GABRA4: variants seen among roughly 807,000 people sequenced by gnomAD.
The protein encoded by GABRA4 is gamma-aminobutyric acid receptor subunit alpha-4.
A neutral mutation model predicts 49.7 loss-of-function variants in GABRA4; 12 were observed. The observed-to-expected ratio is 0.24, with a 90% CI of 0.15 to 0.39. The LOEUF (loss-of-function observed/expected upper bound fraction) is 0.39, where lower values mean the gene tolerates loss of function less well. GABRA4 is among the 10% of genes least tolerant of loss of function. The probability of loss-of-function intolerance (pLI) is 1.00; values close to 1 mark genes in which losing one functional copy is unlikely to be tolerated. For synonymous variants in GABRA4, 288 were observed against 240.2 expected (o/e 1.20, Z -1.84); for missense variants, 506 against 686.0 (o/e 0.74, Z 2.93).
chr4:46,921,441 T>G lies in GABRA4; in HGVS notation c.*6784A>C, dbSNP rs907141797. On this transcript the variant is annotated 3_prime_UTR_variant, in exon 9 of 9. Transcript: ENST00000264318. The stretch of plus-strand genomic sequence containing the variant: ...AACTCTGGGATTCCCCTATAGAAAC[T>G]AAAGAAGCTTGCAGAAATACTACCA... 1 of 151,984 alleles carries G rather than the reference T, an allele frequency of 6.6e-6. No individual in the cohort carries two copies. The highest frequency in any genetic ancestry group is 1.5e-5 in the Non-Finnish European group (1 of 67,928). 9.4% of individuals were successfully genotyped at this position (151,984 alleles called of 1,614,324 possible).
Position 46,919,504 on chromosome 4 carries a change from C to T in GABRA4, c.*8721G>A, listed in dbSNP as rs1010258752. 2.6e-5 allele frequency: 4 copies of T among 151,456 alleles called. No individual in the cohort carries two copies. The highest frequency in any genetic ancestry group is 2.0e-4 in the Admixed American group (3 of 15,168). The allele number at this position is 151,456 out of a possible 1,614,324, so 9.4% of individuals were successfully genotyped here. A position where few individuals can be genotyped will look rare whatever the true frequency, so the allele number is the denominator to read the frequency against. Reference sequence around the variant, plus strand: ...ACCTTGAACTGTTATAAATATCACACTTTATATTTACTATTCTAATTGAGC... The same window carrying T: ...ACCTTGAACTGTTATAAATATCACATTTTATATTTACTATTCTAATTGAGC... On this transcript the variant is annotated 3_prime_UTR_variant, in exon 9 of 9. Transcript: ENST00000264318.
intron 8 of GABRA4, among the ~76,000 whole-genome samples, chr4:46,945,577 G>A (rs1039295632): frequency 1.3e-5 from 2 of 152,090 alleles, no homozygotes; most frequent in Non-Finnish European, 2.9e-5. Context: ...TTTCTGTACA[G>A]CTGCAATGCT....
chr4:46,942,400 G>T (rs190638721), intron 8 of GABRA4, among the ~76,000 whole-genome samples: 1 of 151,830 alleles, frequency 6.6e-6, no homozygotes, highest in Non-Finnish European at 1.5e-5. Flanking sequence ...ACTATAATTA[G>T]CACTTAAAAA....
At chr4:46,978,526 A>G (rs1266452186) in intron 3 of GABRA4, among the ~76,000 whole-genome samples, 5 of 151,190 alleles carry the variant, frequency 3.3e-5, no homozygotes, top group African/African-American at 4.9e-5. Context: ...TATCTCTACT[A>G]GAAACACAAA....
At position 46,926,207 on chromosome 4, in the gene GABRA4, A is replaced by G. The variant is rs928710145; in HGVS notation, c.*2018T>C. ...TAGTAGCGAATGAATTGTGCTTCCA[A>G]CCATATTTCCAAACATCGTCCTCAA... On this transcript the variant is annotated 3_prime_UTR_variant, in exon 9 of 9. Transcript: ENST00000264318. 7 of 152,030 alleles carry G rather than the reference A, an allele frequency of 4.6e-5. No individual in the cohort carries two copies. Among genetic ancestry groups the G allele is most frequent in the Middle Eastern group, 3.4e-3 (1 of 294 alleles). 9.4% of individuals were successfully genotyped at this position (152,030 alleles called of 1,614,324 possible).
Position 46,936,884 on chromosome 4 carries a change from G to C in GABRA4, c.1135-8129C>G, listed in dbSNP as rs538537195. Among the ~76,000 whole-genome samples, 3 of 152,316 alleles carry C rather than the reference G, an allele frequency of 2.0e-5. No homozygotes were observed. In the South Asian group the frequency reaches 6.2e-4, roughly 32 times the overall value. On this transcript the variant is annotated intron_variant, in intron 8 of 8. Coordinates refer to ENST00000264318, the MANE Select transcript of GABRA4 (RefSeq NM_000809.4). Reference sequence around the variant, plus strand: ...ACTTTCTTCAACATATAAATTGCAAGTGGGAAATGGGGCAGTGTAGCCCAC... The same window carrying C: ...ACTTTCTTCAACATATAAATTGCAACTGGGAAATGGGGCAGTGTAGCCCAC...
In GABRA4 at chr4:46,965,060, C is replaced by T. The variant is rs1163871869; in HGVS notation, c.1044G>A (p.Met348Ile). ...TTGATGTCTTCCTTTTGGCTTTTTCCATTTGAATATTGGTGAAATAGTTGA... is the reference window on the plus strand; with the variant it reads ...TTGATGTCTTCCTTTTGGCTTTTTCTATTTGAATATTGGTGAAATAGTTGA... Reference protein sequence around the residue: ...AAVNYFTNIQMEKAKRKTSKP... With the variant: ...AAVNYFTNIQIEKAKRKTSKP... Residue 348 changes from methionine to isoleucine, a missense_variant, in exon 8 of 9, where the codon ATG becomes ATA. Met to Ile is a conservative substitution (Grantham distance 10). Around this residue, in one of 5 missense-constraint regions of GABRA4, gnomAD observed 243 missense variants for 210.8 expected, o/e 1.15. Coordinates refer to ENST00000264318, the MANE Select transcript of GABRA4 (RefSeq NM_000809.4). The T allele has an allele frequency of 1.2e-6, 2 of 1,611,948 alleles. No homozygotes were observed. Among genetic ancestry groups the T allele is most frequent in the Non-Finnish European group, 1.7e-6 (2 of 1,178,756 alleles).
intron 2 of GABRA4, among the ~76,000 whole-genome samples, chr4:46,990,600 A>G (rs1402251517): frequency 1.3e-5 from 2 of 152,188 alleles, no homozygotes; most frequent in African/African-American, 4.8e-5. Flanking sequence ...AGGACTGGAT[A>G]CTTTTCTTAT....
At chr4:46,978,696 A>C (rs1723236163) in intron 3 of GABRA4, among the ~76,000 whole-genome samples, 2 of 149,310 alleles carry the variant, frequency 1.3e-5, no homozygotes, top group African/African-American at 4.9e-5. Context: ...TCAAAAAAAA[A>C]AAAAAAAAAA....
At chr4:46,962,528 C>A (rs968080263) in intron 8 of GABRA4, among the ~76,000 whole-genome samples, 2 of 151,814 alleles carry the variant, frequency 1.3e-5, no homozygotes, top group Non-Finnish European at 2.9e-5. Flanking sequence ...AATTTCCATA[C>A]CACCAAAAGC....
chr4:46,961,672 G>T (rs1044301347), intron 8 of GABRA4, among the ~76,000 whole-genome samples: 42 of 151,892 alleles, frequency 2.8e-4, no homozygotes, highest in Non-Finnish European at 5.9e-4. Flanking sequence ...TATACGTGTT[G>T]ATTTGGGTAT....
chr4:46,958,220 G>T (rs1190925160), intron 8 of GABRA4, among the ~76,000 whole-genome samples: 1 of 151,774 alleles, frequency 6.6e-6, no homozygotes, highest in Non-Finnish European at 1.5e-5. Flanking sequence ...CCTAACAACT[G>T]CAAACCTCAG....
intron 2 of GABRA4, among the ~76,000 whole-genome samples, chr4:46,987,456 T>C (rs1487807739): frequency 6.6e-6 from 1 of 152,150 alleles, no homozygotes; most frequent in African/African-American, 2.4e-5. Flanking sequence ...CTTATTTCTG[T>C]TACTTATTTT....
chr4:46,992,692 G>C, intron 2 of GABRA4, 136 bp downstream of exon 2: 1 of 702,524 alleles, frequency 1.4e-6, no homozygotes, highest in South Asian at 1.7e-5. Flanking sequence ...GTCTCACCAA[G>C]AGAGGAGAGA....
chr4:46,954,431 C>T (rs1722274217), intron 8 of GABRA4, among the ~76,000 whole-genome samples: 1 of 151,958 alleles, frequency 6.6e-6, no homozygotes, highest in Admixed American at 6.6e-5. Flanking sequence ...GTGGCAGGCG[C>T]CTGTAATCCC....
At chr4:46,993,231 A>G (rs1012366392) in intron 1 of GABRA4, 108 bp downstream of exon 1, 2 of 960,186 alleles carry the variant, frequency 2.1e-6, no homozygotes, top group African/African-American at 3.2e-5. Context: ...TACAGCTGAG[A>G]TAAGAAGACC....
At chr4:46,940,540 T>A (rs1721753302) in intron 8 of GABRA4, among the ~76,000 whole-genome samples, 1 of 152,092 alleles carries the variant, frequency 6.6e-6, no homozygotes, top group Non-Finnish European at 1.5e-5. Context: ...AAATCAGTCC[T>A]CTCCCCCCTA....
chr4:46,940,511 G>A (rs567706410), intron 8 of GABRA4, among the ~76,000 whole-genome samples: 1 of 152,200 alleles, frequency 6.6e-6, no homozygotes, highest in East Asian at 1.9e-4. Context: ...CACCTATTGT[G>A]TCAGTTTTTA....
chr4:46,973,520 C>T (rs763911875), intron 6 of GABRA4, among the ~76,000 whole-genome samples: 14 of 151,694 alleles, frequency 9.2e-5, no homozygotes, highest in South Asian at 2.1e-4. Flanking sequence ...GTTTATGAGC[C>T]GCCCTATTTG....
Sources: allele counts gnomAD v4.1 joint callset (sites outside exome capture counted in the v4.1 genomes callset), GRCh38; gene constraint gnomAD v4.1.1; regional missense constraint gnomAD v4.1.1; transcripts MANE v1.5; gene names NCBI Gene and HGNC (gene_info 2026-07-23, HGNC 2026-07-21).